MIS18A: variants seen among roughly 807,000 people sequenced by gnomAD.
MIS18A encodes MIS18 kinetochore protein A, also known as protein Mis18-alpha.
MIS18A carries 14 observed loss-of-function variants against 25.0 expected under a neutral mutation model. The ratio of observed to expected loss-of-function variants is 0.56; its 90% CI spans 0.37 to 0.88. The LOEUF (loss-of-function observed/expected upper bound fraction) is 0.88. Ranked by LOEUF, MIS18A falls within the 40% of genes least tolerant of loss-of-function variation. MIS18A has a pLI of 0.00. For synonymous variants in MIS18A, 134 were observed against 118.6 expected (o/e 1.13, Z -0.84); for missense variants, 292 against 290.8 (o/e 1.00, Z -0.03).
At chr21:32,248,044 G>A in the MIS18A span, among the ~76,000 whole-genome samples, 1 of 152,300 alleles carries the variant, frequency 6.6e-6, no homozygotes, top group African/African-American at 2.4e-5. Flanking sequence ...ACTTTGGGGT[G>A]AAGATACCCC....
the MIS18A span, among the ~76,000 whole-genome samples, chr21:32,159,626 T>C: frequency 6.6e-6 from 1 of 152,374 alleles, no homozygotes; most frequent in African/African-American, 2.4e-5. Context: ...CCTGAGAACA[T>C]GTACCCAATG....
At chr21:32,204,900 T>C in the MIS18A span, among the ~76,000 whole-genome samples, 2 of 151,640 alleles carry the variant, frequency 1.3e-5, no homozygotes, top group Non-Finnish European at 1.5e-5. Context: ...CAAACAAACA[T>C]GTAATTTAAA....
the MIS18A span, among the ~76,000 whole-genome samples, chr21:32,189,385 C>A: frequency 1.3e-5 from 2 of 152,178 alleles, no homozygotes; most frequent in Non-Finnish European, 2.9e-5. Flanking sequence ...CTCAGGTGAT[C>A]CTCCCATCTC....
intron 1 of MIS18A, among the ~76,000 whole-genome samples, chr21:32,275,304 T>TCCC (rs2031790040): frequency 6.6e-6 from 1 of 152,110 alleles, no homozygotes; most frequent in African/African-American, 2.4e-5. Context: ...ATGGCTAAAA[T>TCCC]TAGAGGGGAA....
At chr21:32,181,850 A>C in the MIS18A span, among the ~76,000 whole-genome samples, 2 of 152,224 alleles carry the variant, frequency 1.3e-5, no homozygotes, top group African/African-American at 4.8e-5. Context: ...AGAGTGATTA[A>C]GCATGACCTC....
the MIS18A span, among the ~76,000 whole-genome samples, chr21:32,221,439 T>C: frequency 2.6e-5 from 4 of 152,140 alleles, no homozygotes; most frequent in Non-Finnish European, 5.9e-5. Flanking sequence ...CTGAGGGATT[T>C]TGTCACCACC....
At position 32,270,390 on chromosome 21, in the gene MIS18A, T is replaced by C; in HGVS notation, c.524+17A>G. On this transcript the variant is annotated intron_variant, in intron 3 of 4. Transcript: ENST00000290130. Reference sequence around the variant, plus strand: ...GAAACACCAGTTGTGAGGTAAACATTTATATATCAAACTTACCTTTCAATG... The same window carrying C: ...GAAACACCAGTTGTGAGGTAAACATCTATATATCAAACTTACCTTTCAATG... 1 of 1,613,656 alleles carries C rather than the reference T, an allele frequency of 6.2e-7. No individual in the cohort carries two copies. The highest frequency in any genetic ancestry group is 8.5e-7 in the Non-Finnish European group (1 of 1,179,788).
rs773879798 is a variant in MIS18A, at chr21:32,269,096, A to G, written c.643T>C (p.Leu215=). 1 of 1,606,506 alleles carries G rather than the reference A, an allele frequency of 6.2e-7. No individual in the cohort carries two copies. Among genetic ancestry groups the G allele is most frequent in the South Asian group, 1.1e-5 (1 of 89,362 alleles). The change falls in exon 5 of 5, where the codon TTA becomes CTA. Residue 215 remains leucine, a synonymous_variant. Coordinates refer to ENST00000290130, the MANE Select transcript of MIS18A (RefSeq NM_018944.3). ...TCGGCCTCCCACAGCTTCATTTGTA[A>G]TGCTTTCAAGACATCTTCCATCTAT... is the stretch of plus-strand genomic sequence containing the variant. The part of the protein sequence containing the change: ...LTQMEDVLKA[L]QMKLWEAESK...
chr21:32,266,967 A>AACACACACACAC (rs199958126), downstream of MIS18A, among the ~76,000 whole-genome samples: 13 of 149,430 alleles, frequency 8.7e-5, no homozygotes, highest in African/African-American at 2.9e-4. Context: ...GGACAAGTTA[A>AACACACACACAC]ACACACACAC....
chr21:32,198,844 G>T, the MIS18A span, among the ~76,000 whole-genome samples: 1 of 152,030 alleles, frequency 6.6e-6, no homozygotes, highest in Non-Finnish European at 1.5e-5. Context: ...AGATGATAAG[G>T]AGTTTTAACC....
At chr21:32,157,802 G>T in the MIS18A span, among the ~76,000 whole-genome samples, 1 of 151,698 alleles carries the variant, frequency 6.6e-6, no homozygotes, top group South Asian at 2.1e-4. Context: ...TTTGAGAATT[G>T]ATACTATGTT....
At chr21:32,240,857 C>A in the MIS18A span, among the ~76,000 whole-genome samples, 121 of 152,250 alleles carry the variant, frequency 7.9e-4, 1 homozygote, top group Admixed American at 1.2e-3. Flanking sequence ...GTATTTGCAT[C>A]CCTCTCCCTT....
At chr21:32,192,427 T>C in the MIS18A span, among the ~76,000 whole-genome samples, 6 of 152,230 alleles carry the variant, frequency 3.9e-5, no homozygotes, top group Non-Finnish European at 5.9e-5. Context: ...CCTTTGTATC[T>C]GTCCCCCACT....
chr21:32,247,665 AGAG>A, the MIS18A span, among the ~76,000 whole-genome samples: 6 of 152,210 alleles, frequency 3.9e-5, no homozygotes, highest in South Asian at 1.0e-3. Flanking sequence ...CCTCATAAAA[AGAG>A]GAGATTAGGA....
At chr21:32,217,969 G>A in the MIS18A span, among the ~76,000 whole-genome samples, 15 of 151,704 alleles carry the variant, frequency 9.9e-5, no homozygotes, top group Non-Finnish European at 8.8e-5. Flanking sequence ...TGAGGCGGGC[G>A]GATCACAAGG....
the MIS18A span, among the ~76,000 whole-genome samples, chr21:32,202,289 A>G: frequency 6.8e-6 from 1 of 146,410 alleles, no homozygotes; most frequent in African/African-American, 2.5e-5. Flanking sequence ...CCTTGCCTCA[A>G]AAAAAGAAAA....
chr21:32,235,013 C>T, the MIS18A span, among the ~76,000 whole-genome samples: 2 of 152,168 alleles, frequency 1.3e-5, no homozygotes, highest in Non-Finnish European at 2.9e-5. Context: ...CTCTCCTCTC[C>T]TCCCAGCATG....
chr21:32,269,529 A>G (rs2123463055), intron 4 of MIS18A, 178 bp downstream of exon 4: 3 of 540,368 alleles, frequency 5.6e-6, no homozygotes, highest in East Asian at 3.1e-5. Context: ...TATTTTGTTG[A>G]TTAAGCTTTA....
the MIS18A span, among the ~76,000 whole-genome samples, chr21:32,176,654 C>T: frequency 6.6e-6 from 1 of 151,908 alleles, no homozygotes; most frequent in Non-Finnish European, 1.5e-5. Context: ...AAAGATCCAT[C>T]TCAAGAAGTT....
Sources: gnomAD v4.1 joint callset for allele counts (sites outside exome capture counted in the v4.1 genomes callset) on GRCh38, gnomAD v4.1.1 for gene constraint, MANE v1.5 for transcripts, NCBI Gene and HGNC (gene_info 2026-07-23, HGNC 2026-07-21) for gene names.